RBMS3: variants seen among roughly 807,000 people sequenced by gnomAD.
RBMS3 encodes RNA binding motif single stranded interacting protein 3.
Under a neutral mutation model 66.8 loss-of-function variants are expected in RBMS3, and 27 were observed. That is an observed-to-expected ratio of 0.40 (90% confidence interval 0.30 to 0.56). The LOEUF is 0.56. RBMS3 is among the 20% of genes least tolerant of loss of function. The probability of loss-of-function intolerance (pLI) is 0.40; values close to 1 mark genes in which losing one functional copy is unlikely to be tolerated. For synonymous variants in RBMS3, 188 were observed against 183.0 expected (o/e 1.03, Z -0.22); for missense variants, 513 against 549.5 (o/e 0.93, Z 0.66).
rs770522581 is a variant in RBMS3, at chr3:29,897,408, C to A, written c.821C>A (p.Thr274Asn). The A allele has an allele frequency of 1.2e-6, 2 of 1,610,948 alleles. No homozygotes were observed. The highest frequency in any genetic ancestry group is 1.3e-5 in the African/African-American group (1 of 74,612). The change falls in exon 9 of 15, where the codon ACC (threonine) becomes AAC (asparagine). Residue 274 changes from threonine to asparagine, a missense_variant. Transcript: ENST00000383767. ...TATTCTTCACCGTACAGTATTGCAACCAACCGCATGATTCCACAGACATCT... is the reference window on the plus strand; with the variant it reads ...TATTCTTCACCGTACAGTATTGCAAACAACCGCATGATTCCACAGACATCT... ...GFYSSPYSIA[T>N]NRMIPQTSIT... is the part of the protein sequence containing the mutation.
chr3:29,377,227 C>G (rs2038523366), intron 1 of RBMS3, among the ~76,000 whole-genome samples: 1 of 152,124 alleles, frequency 6.6e-6, no homozygotes, highest in African/African-American at 2.4e-5. Context: ...GCAATTCCTG[C>G]TATAGCAGCA....
At chr3:29,377,506 T>C (rs913696243) in intron 1 of RBMS3, among the ~76,000 whole-genome samples, 2 of 152,204 alleles carry the variant, frequency 1.3e-5, no homozygotes, top group African/African-American at 2.4e-5. Flanking sequence ...CCTGACTCAG[T>C]TGCGTCCACT....
chr3:29,704,882 A>G (rs1264294802), intron 4 of RBMS3, among the ~76,000 whole-genome samples: 2 of 152,250 alleles, frequency 1.3e-5, no homozygotes, highest in Non-Finnish European at 2.9e-5. Context: ...GAGAAAAGCC[A>G]ACATGGCATT....
intron 6 of RBMS3, among the ~76,000 whole-genome samples, chr3:29,803,173 C>G (rs1245183031): frequency 6.6e-6 from 1 of 152,114 alleles, no homozygotes; most frequent in Non-Finnish European, 1.5e-5. Context: ...ATCCCTTTCC[C>G]TTTTCACTAG....
intron 2 of RBMS3, among the ~76,000 whole-genome samples, chr3:29,469,685 G>A (rs965525372): frequency 1.4e-5 from 2 of 141,702 alleles, no homozygotes; most frequent in African/African-American, 2.6e-5. Flanking sequence ...ATATACATAC[G>A]TATAAGAAAA....
At chr3:29,922,781 T>A (rs188067266) in intron 10 of RBMS3, among the ~76,000 whole-genome samples, 3 of 152,322 alleles carry the variant, frequency 2.0e-5, no homozygotes, top group African/African-American at 7.2e-5. Context: ...TAAAAATATA[T>A]CCTAATATCA....
At position 29,896,372 on chromosome 3, in the gene RBMS3, A is replaced by C. The variant is rs145868143; in HGVS notation, c.792-1007A>C. Reference sequence around the variant, plus strand: ...CCAAGCTCAGTCATACTATTAAAAAAAAAACAAAACATAGTAATTGAGTTT... The same window carrying C: ...CCAAGCTCAGTCATACTATTAAAAACAAAACAAAACATAGTAATTGAGTTT... On this transcript the variant is annotated intron_variant, in intron 8 of 14. Transcript: ENST00000383767. 2.5e-3 allele frequency among the ~76,000 whole-genome samples: 373 copies of C among 151,592 alleles called. 2 individuals carry two copies. The highest frequency in any genetic ancestry group is 7.7e-3 in the South Asian group (37 of 4,824).
At chr3:29,316,280 A>T (rs1056417341) in intron 1 of RBMS3, among the ~76,000 whole-genome samples, 2 of 151,736 alleles carry the variant, frequency 1.3e-5, no homozygotes, top group Admixed American at 1.3e-4. Context: ...TGCATTGCTT[A>T]TATGACTTTG....
chr3:29,903,784 G>A (rs1559785576), intron 10 of RBMS3, among the ~76,000 whole-genome samples: 1 of 151,880 alleles, frequency 6.6e-6, no homozygotes, highest in Non-Finnish European at 1.5e-5. Flanking sequence ...TCTAATTACA[G>A]TATTCTAAGA....
intron 1 of RBMS3, among the ~76,000 whole-genome samples, chr3:29,414,241 G>A (rs1196708770): frequency 6.6e-6 from 1 of 152,050 alleles, no homozygotes; most frequent in Non-Finnish European, 1.5e-5. Flanking sequence ...CAAATAAAGG[G>A]GAGCTACCTG....
intron 4 of RBMS3, among the ~76,000 whole-genome samples, chr3:29,726,405 G>A (rs984011894): frequency 6.6e-6 from 1 of 152,198 alleles, no homozygotes; most frequent in Non-Finnish European, 1.5e-5. Flanking sequence ...AATGGAAAGA[G>A]AGGAAGTCAA....
intron 12 of RBMS3, among the ~76,000 whole-genome samples, chr3:29,944,688 C>T (rs1242124294): frequency 6.6e-6 from 1 of 151,684 alleles, no homozygotes; most frequent in East Asian, 1.9e-4. Context: ...GGAAAATCAT[C>T]CCATTTGCTT....
intron 6 of RBMS3, among the ~76,000 whole-genome samples, chr3:29,779,339 C>G (rs537804600): frequency 7.3e-5 from 11 of 151,140 alleles, no homozygotes; most frequent in African/African-American, 2.4e-4. Flanking sequence ...AGCATAAGAG[C>G]TATGTCTAGA....
chr3:29,954,884 T>A (rs1397102123), intron 12 of RBMS3, among the ~76,000 whole-genome samples: 1 of 152,018 alleles, frequency 6.6e-6, no homozygotes, highest in Non-Finnish European at 1.5e-5. Flanking sequence ...TTTAAAAAAT[T>A]TTATCTTCAA....
intron 10 of RBMS3, chr3:29,903,063 T>C (rs2060293275): frequency 6.6e-6 from 1 of 151,998 alleles, no homozygotes; most frequent in Non-Finnish European, 1.5e-5. Context: ...ATATAATTTC[T>C]AAAGTTTGCC....
At chr3:29,749,551 C>A (rs2055079620) in intron 5 of RBMS3, among the ~76,000 whole-genome samples, 1 of 152,126 alleles carries the variant, frequency 6.6e-6, no homozygotes, top group African/African-American at 2.4e-5. Flanking sequence ...GGAAAACAAG[C>A]CAAGGATTTG....
chr3:29,487,347 G>A (rs1191048943), intron 2 of RBMS3, among the ~76,000 whole-genome samples: 5 of 152,128 alleles, frequency 3.3e-5, no homozygotes, highest in African/African-American at 1.2e-4. Context: ...CTTCGAACAG[G>A]TGAGTATCTG....
chr3:29,749,825 G>T (rs148093169), intron 5 of RBMS3, among the ~76,000 whole-genome samples: 3 of 152,106 alleles, frequency 2.0e-5, no homozygotes, highest in Non-Finnish European at 4.4e-5. Context: ...AAAAGCTTTG[G>T]AAAAATTACC....
At chr3:29,570,636 T>C (rs1457154926) in intron 3 of RBMS3, among the ~76,000 whole-genome samples, 1 of 152,170 alleles carries the variant, frequency 6.6e-6, no homozygotes, top group African/African-American at 2.4e-5. Flanking sequence ...TTCATCCATG[T>C]TGTTGCAAAT....
Sources: allele counts gnomAD v4.1 joint callset (sites outside exome capture counted in the v4.1 genomes callset), GRCh38; gene constraint gnomAD v4.1.1; transcripts MANE v1.5; gene names NCBI Gene and HGNC (gene_info 2026-07-23, HGNC 2026-07-21).